The following RAI1 variants were observed in gnomAD, a reference collection of about 807,000 sequenced individuals.
RAI1 encodes retinoic acid induced 1.
RAI1 carries 9 observed loss-of-function variants against 123.8 expected under a neutral mutation model. The ratio of observed to expected loss-of-function variants is 0.07; its 90% CI spans 0.04 to 0.13. The LOEUF is 0.13. RAI1 is among the 10% of genes least tolerant of loss of function. The pLI, the probability that RAI1 is intolerant of heterozygous loss-of-function variation, is 1.00. For synonymous variants in RAI1, 1,231 were observed against 1,127.3 expected (o/e 1.09, Z -1.84); for missense variants, 2,256 against 2,545.8 (o/e 0.89, Z 2.45).
intron 1 of RAI1, among the ~76,000 whole-genome samples, chr17:17,698,928 A>G (rs1915124322): frequency 6.6e-6 from 1 of 152,254 alleles, no homozygotes; most frequent in African/African-American, 2.4e-5. Flanking sequence ...TCAAAGAATC[A>G]AGTGATCTGA....
chr17:17,797,850 C>G lies in RAI1; in HGVS notation c.4902C>G (p.Ser1634=). Residue 1634 remains serine, a synonymous_variant, in exon 3 of 6, where the codon TCC becomes TCG. Coordinates refer to ENST00000353383, the MANE Select transcript of RAI1 (RefSeq NM_030665.4). ...AGCCTTCCTCCTCTGCCTCCTCTTC[C>G]TCATCCTCGTCCTCGTTCTCCTTGG... ...HRKPSSSASS[S]SSSSSFSLDA... 1 of 1,614,036 alleles carries G rather than the reference C, an allele frequency of 6.2e-7. No individual in the cohort carries two copies. The highest frequency in any genetic ancestry group is 8.5e-7 in the Non-Finnish European group (1 of 1,180,008).
chr17:17,794,452 A>G lies in RAI1; in HGVS notation c.1504A>G (p.Ser502Gly). The G allele has an allele frequency of 6.2e-7, 1 of 1,612,668 alleles. No homozygotes were observed. Among genetic ancestry groups the G allele is most frequent in the Non-Finnish European group, 8.5e-7 (1 of 1,179,890 alleles). The stretch of plus-strand genomic sequence containing the variant: ...AGGCACACCGCTGTCAGAGCCGCCG[A>G]GCAGCACGCCACAGTCCACGCATGC... ...PAGTPLSEPPSSTPQSTHAEP... is the reference protein window; with the variant it reads ...PAGTPLSEPPGSTPQSTHAEP... Residue 502 changes from serine to glycine, a missense_variant, in exon 3 of 6, where the codon AGC (serine) becomes GGC (glycine). Ser to Gly is a moderately conservative substitution (Grantham distance 56). Around this residue, in one of 7 missense-constraint regions of RAI1, gnomAD observed 357 missense variants for 480.2 expected, o/e 0.74. Coordinates refer to ENST00000353383, the MANE Select transcript of RAI1 (RefSeq NM_030665.4).
At chr17:17,690,496 T>A (rs1914800205) in intron 1 of RAI1, among the ~76,000 whole-genome samples, 1 of 151,950 alleles carries the variant, frequency 6.6e-6, no homozygotes, top group African/African-American at 2.4e-5. Context: ...TGCCTCTGTG[T>A]GTCTTTAGGC....
intron 1 of RAI1, among the ~76,000 whole-genome samples, chr17:17,720,312 G>A (rs762535010): frequency 1.3e-4 from 20 of 152,194 alleles, no homozygotes; most frequent in Non-Finnish European, 2.4e-4. Flanking sequence ...ACCTCACCAG[G>A]AAGGACTGGG....
At position 17,794,334 on chromosome 17, in the gene RAI1, G is replaced by A. The variant is rs774640757; in HGVS notation, c.1386G>A (p.Lys462=). 1.6e-5 allele frequency: 26 copies of A among 1,613,154 alleles called. No homozygotes were observed. Among genetic ancestry groups the A allele is most frequent in the Non-Finnish European group, 2.2e-5 (26 of 1,180,028 alleles). Residue 462 remains lysine, a synonymous_variant, in exon 3 of 6, where the codon AAG becomes AAA. Coordinates refer to ENST00000353383, the MANE Select transcript of RAI1 (RefSeq NM_030665.4). Reference sequence around the variant, plus strand: ...TCTCCAAGGCTGCTGTGCCGCAGAAGAAAGGTGTCAAGAACCTCGTGTCCA... The same window carrying A: ...TCTCCAAGGCTGCTGTGCCGCAGAAAAAAGGTGTCAAGAACCTCGTGTCCA... The part of the protein sequence containing the change: ...LLLSKAAVPQ[K]KGVKNLVSRT...
chr17:17,778,554 A>AC (rs909979574), intron 2 of RAI1: 4 of 361,176 alleles, frequency 1.1e-5, no homozygotes, highest in Non-Finnish European at 2.2e-5. Context: ...TCCAGAGCTG[A>AC]CCCCGGCACC....
At chr17:17,744,407 A>G (rs148659800) in intron 2 of RAI1, among the ~76,000 whole-genome samples, 2 of 152,344 alleles carry the variant, frequency 1.3e-5, no homozygotes, top group Non-Finnish European at 2.9e-5. Flanking sequence ...GGTTCACAGA[A>G]ATAGCAGGCA....
intron 1 of RAI1, among the ~76,000 whole-genome samples, chr17:17,694,702 G>C (rs1008455863): frequency 2.0e-5 from 3 of 151,064 alleles, no homozygotes; most frequent in African/African-American, 7.3e-5. Context: ...GTCGGGGCCC[G>C]CGACGCCGAC....
intron 1 of RAI1, chr17:17,683,660 G>A (rs766576538): frequency 1.3e-5 from 2 of 152,254 alleles, no homozygotes; most frequent in Non-Finnish European, 2.9e-5. Context: ...TCTGGCAAAA[G>A]CTCTCACAAG....
At chr17:17,760,924 C>G (rs1471526980) in intron 2 of RAI1, among the ~76,000 whole-genome samples, 1 of 152,226 alleles carries the variant, frequency 6.6e-6, no homozygotes, top group Non-Finnish European at 1.5e-5. Flanking sequence ...GCGTAGAGGG[C>G]TCAGGAGGGA....
At chr17:17,686,650 A>T (rs1292064121) in intron 1 of RAI1, among the ~76,000 whole-genome samples, 1 of 149,114 alleles carries the variant, frequency 6.7e-6, no homozygotes, top group Non-Finnish European at 1.5e-5. Flanking sequence ...GAAGAGAAAA[A>T]CATGAGGGCA....
At chr17:17,749,556 G>A (rs1346749175) in intron 2 of RAI1, among the ~76,000 whole-genome samples, 1 of 152,232 alleles carries the variant, frequency 6.6e-6, no homozygotes, top group African/African-American at 2.4e-5. Context: ...AATTCAGAGA[G>A]GGGATGTGAT....
chr17:17,689,258 C>T (rs981390824), intron 1 of RAI1, among the ~76,000 whole-genome samples: 5 of 152,202 alleles, frequency 3.3e-5, no homozygotes, highest in African/African-American at 1.2e-4. Context: ...CCACCACGCC[C>T]GGCCAATTAT....
At chr17:17,683,412 G>C (rs1439497159) in intron 1 of RAI1, 3 of 152,220 alleles carry the variant, frequency 2.0e-5, no homozygotes, top group Non-Finnish European at 4.4e-5. Context: ...GGCAGCCCTC[G>C]CTGCAGACTG....
chr17:17,787,045 A>T (rs549237864), intron 2 of RAI1, among the ~76,000 whole-genome samples: 1 of 152,220 alleles, frequency 6.6e-6, no homozygotes, highest in South Asian at 2.1e-4. Flanking sequence ...CTGTCTCAAA[A>T]AAACAAACAA....
chr17:17,721,414 AGAAGGTAGG>A (rs1598033614), intron 1 of RAI1, among the ~76,000 whole-genome samples: 1 of 152,206 alleles, frequency 6.6e-6, no homozygotes, highest in East Asian at 1.9e-4. Context: ...ATGGTATATT[AGAAGGTAGG>A]GAACAGCATT....
chr17:17,754,464 G>A (rs1414336307), intron 2 of RAI1, among the ~76,000 whole-genome samples: 6 of 152,196 alleles, frequency 3.9e-5, no homozygotes, highest in African/African-American at 1.4e-4. Context: ...TCTATCTCCC[G>A]ACTTCGGGTG....
chr17:17,733,895 G>A (rs1213360900), intron 2 of RAI1, among the ~76,000 whole-genome samples: 1 of 152,186 alleles, frequency 6.6e-6, no homozygotes, highest in African/African-American at 2.4e-5. Context: ...GGCTGCTCCT[G>A]GGGGCTGGGA....
In RAI1 at chr17:17,803,901, A is replaced by G. The variant is rs74464957; in HGVS notation, c.5659+52A>G. The G allele has an allele frequency of 3.0e-5, 47 of 1,546,542 alleles. No homozygotes were observed. In the East Asian group the frequency reaches 9.0e-4, roughly 30 times the overall value. On this transcript the variant is annotated intron_variant, in intron 4 of 5. Transcript: ENST00000353383. The stretch of plus-strand genomic sequence containing the variant: ...GCATTGGAGCCCATCCAAGCAGTCC[A>G]GGGGGACCCTCCCTGGGCACAGCTC...
Sources: gnomAD v4.1 joint callset for allele counts (sites outside exome capture counted in the v4.1 genomes callset) on GRCh38, gnomAD v4.1.1 for gene constraint, gnomAD v4.1.1 regional missense constraint, MANE v1.5 for transcripts, NCBI Gene and HGNC (gene_info 2026-07-23, HGNC 2026-07-21) for gene names.